Variants in IL1R1 observed in about 807,000 individuals in gnomAD.
The protein encoded by IL1R1 is interleukin 1 receptor type 1, also known as interleukin-1 receptor type 1.
IL1R1 carries 22 observed loss-of-function variants against 50.2 expected under a neutral mutation model. The ratio of observed to expected loss-of-function variants is 0.44; its 90% CI spans 0.31 to 0.63. IL1R1 has a LOEUF of 0.63. Ranked by LOEUF, IL1R1 falls within the 20% of genes least tolerant of loss-of-function variation. The pLI is 0.07. For missense variants in IL1R1, 509 were observed against 676.2 expected (o/e 0.75, Z 2.74); for synonymous variants, 251 against 236.7 (o/e 1.06, Z -0.55).
intron 1 of IL1R1, among the ~76,000 whole-genome samples, chr2:102,120,227 A>G (rs1279300455): frequency 6.6e-6 from 1 of 152,042 alleles, no homozygotes; most frequent in Non-Finnish European, 1.5e-5. Flanking sequence ...GTGGGTGTTC[A>G]TGTGTAGTTT....
intron 1 of IL1R1, among the ~76,000 whole-genome samples, chr2:102,109,510 A>G (rs1680621485): frequency 6.6e-6 from 1 of 152,174 alleles, no homozygotes; most frequent in Non-Finnish European, 1.5e-5. Flanking sequence ...TGGCCTGGAC[A>G]ACTGAGTGCT....
chr2:102,176,025 G>A (rs1455090561), intron 11 of IL1R1: 4 of 448,712 alleles, frequency 8.9e-6, no homozygotes, highest in African/African-American at 7.9e-5. Context: ...TTTTGAGTTA[G>A]TCTATAAAAT....
At position 102,090,491 on chromosome 2, in the gene IL1R1, TTTA is replaced by T. The variant is rs369847893; in HGVS notation, c.-84+19964_-84+19966del. Reference sequence around the variant, plus strand: ...TATCATGCATATCTCTTACGCTCTTTTTATTATTTTTCTCTCTATGCATTGGTT... The same window carrying T: ...TATCATGCATATCTCTTACGCTCTTTTTATTTTTCTCTCTATGCATTGGTT... On this transcript the variant is annotated intron_variant, in intron 1 of 11. Transcript: ENST00000409929. Among the ~76,000 whole-genome samples the T allele has an allele frequency of 0.012, 1,826 of 152,290 alleles. 55 individuals carry two copies. In the South Asian group the frequency reaches 0.13, roughly 11 times the overall value.
intron 1 of IL1R1, among the ~76,000 whole-genome samples, chr2:102,151,260 A>G (rs905606566): frequency 2.0e-5 from 3 of 151,678 alleles, no homozygotes; most frequent in African/African-American, 4.8e-5. Context: ...GTAGGATTCT[A>G]CCCTCTCTTA....
chr2:102,080,207 CACAAGCA>C (rs1190499561), intron 1 of IL1R1, among the ~76,000 whole-genome samples: 1 of 152,132 alleles, frequency 6.6e-6, no homozygotes, highest in Admixed American at 6.5e-5. Context: ...AGCGCCAGAG[CACAAGCA>C]ACAACAAAAT....
intron 1 of IL1R1, among the ~76,000 whole-genome samples, chr2:102,106,252 C>CTG (rs752131314): frequency 1.9e-3 from 281 of 151,700 alleles, no homozygotes; most frequent in Non-Finnish European, 3.4e-3. Flanking sequence ...GTGTGTGTGT[C>CTG]TGTGTGTGTG....
intron 1 of IL1R1, among the ~76,000 whole-genome samples, chr2:102,090,540 A>G (rs1276873194): frequency 2.0e-5 from 3 of 151,998 alleles, no homozygotes; most frequent in African/African-American, 4.8e-5. Flanking sequence ...CTGTTAAACT[A>G]CCTCCACATT....
chr2:102,132,952 A>T (rs1005094898), intron 1 of IL1R1, among the ~76,000 whole-genome samples: 3 of 152,146 alleles, frequency 2.0e-5, no homozygotes, highest in Non-Finnish European at 4.4e-5. Context: ...ATTTGTAGTT[A>T]AAAATCTTCC....
chr2:102,167,895 C>A (rs1215896759), intron 6 of IL1R1, among the ~76,000 whole-genome samples: 1 of 151,944 alleles, frequency 6.6e-6, no homozygotes, highest in African/African-American at 2.4e-5. Flanking sequence ...CTCAAGGATT[C>A]AAAAATATTT....
At position 102,086,279 on chromosome 2, in the gene IL1R1, C is replaced by A. The variant is rs1679425774; in HGVS notation, c.-84+15746C>A. 1.3e-5 allele frequency among the ~76,000 whole-genome samples: 2 copies of A among 152,044 alleles called. 1 individual carries two copies. The highest frequency in any genetic ancestry group is 4.1e-4 in the South Asian group (2 of 4,826). ...AGTATGTTGTTCCAATGCCTTTTGG[C>A]CTCCGTACTTTCTCATAAGAATTCA... On this transcript the variant is annotated intron_variant, in intron 1 of 11. Coordinates refer to the IL1R1 transcript ENST00000409929.
rs751941727 is a variant in IL1R1, at chr2:102,166,163, T to C, written c.537T>C (p.Asp179=). ...ATATACACTTTAGTGGAGTCAAAGA[T>C]AGGCTCATCGTGATGAATGTGGCTG... ...LDNIHFSGVK[D]RLIVMNVAEK... The change falls in exon 6 of 12, where the codon GAT becomes GAC. Residue 179 remains aspartate, a synonymous_variant. Transcript: ENST00000410023. The C allele has an allele frequency of 1.2e-6, 2 of 1,613,940 alleles. No homozygotes were observed. The highest frequency in any genetic ancestry group is 2.2e-5 in the East Asian group (1 of 44,852).
At chr2:102,132,421 A>T (rs1559479012) in intron 1 of IL1R1, among the ~76,000 whole-genome samples, 4 of 152,160 alleles carry the variant, frequency 2.6e-5, no homozygotes, top group African/African-American at 9.7e-5. Context: ...GGGTTCCTGT[A>T]TGTAGGGTGA....
chr2:102,151,889 A>G (rs1453449335), intron 1 of IL1R1, among the ~76,000 whole-genome samples: 1 of 152,194 alleles, frequency 6.6e-6, no homozygotes, highest in Non-Finnish European at 1.5e-5. Context: ...ACGGCAAGGT[A>G]GGGAGCCAGC....
chr2:102,167,818 C>T (rs796799031), intron 6 of IL1R1, among the ~76,000 whole-genome samples: 11 of 152,182 alleles, frequency 7.2e-5, no homozygotes, highest in African/African-American at 2.6e-4. Context: ...ATACTCTACT[C>T]GGAGTGAGGT....
intron 9 of IL1R1, among the ~76,000 whole-genome samples, chr2:102,173,603 T>A (rs1198140701): frequency 6.6e-6 from 1 of 152,156 alleles, no homozygotes; most frequent in Non-Finnish European, 1.5e-5. Flanking sequence ...AGAGAAGAAC[T>A]AAATGGAAGG....
rs376001912 is a variant in IL1R1 at position 102,165,280 on chromosome 2, G to C, written c.462G>C (p.Glu154Asp). ...YMEFFKNENN[E>D]LPKLQWYKDC... ...AGTTTTTTAAAAATGAAAATAATGAGTTACCTAAATTACAGTGGTATAAGG... is the reference window on the plus strand; with the variant it reads ...AGTTTTTTAAAAATGAAAATAATGACTTACCTAAATTACAGTGGTATAAGG... The change falls in exon 5 of 12, where the codon GAG (glutamate) becomes GAC (aspartate). Residue 154 changes from glutamate to aspartate, a missense_variant. Physicochemically the swap from Glu to Asp is conservative, Grantham distance 45 (BLOSUM62 2). Coordinates refer to ENST00000410023, the MANE Select transcript of IL1R1 (RefSeq NM_000877.4). 5 of 1,572,056 alleles carry C rather than the reference G, an allele frequency of 3.2e-6. No individual in the cohort carries two copies. The African/African-American group carries it at 6.9e-5, about 22-fold the overall frequency.
At chr2:102,166,404 A>G (rs771882417) in intron 6 of IL1R1, 123 bp downstream of exon 6, 198 of 638,306 alleles carry the variant, frequency 3.1e-4, no homozygotes, top group Non-Finnish European at 4.8e-4. Context: ...ATACCACAAA[A>G]GTCACATGGC....
intron 1 of IL1R1, among the ~76,000 whole-genome samples, chr2:102,127,729 A>G (rs1681803119): frequency 6.6e-6 from 1 of 151,830 alleles, no homozygotes; most frequent in Non-Finnish European, 1.5e-5. Flanking sequence ...TGGGATACCT[A>G]TTTGGCAACA....
intron 1 of IL1R1, among the ~76,000 whole-genome samples, chr2:102,089,280 A>G (rs989446397): frequency 1.3e-5 from 2 of 152,122 alleles, no homozygotes; most frequent in East Asian, 3.9e-4. Context: ...CTATTAATTG[A>G]CCTAATTTCA....
Sources: gnomAD v4.1 joint callset for allele counts (sites outside exome capture counted in the v4.1 genomes callset) on GRCh38, gnomAD v4.1.1 for gene constraint, MANE v1.5 for transcripts, NCBI Gene and HGNC (gene_info 2026-07-23, HGNC 2026-07-21) for gene names.